The following ADAM17 variants were observed in gnomAD, a reference collection of about 807,000 sequenced individuals.
ADAM17 encodes the protein disintegrin and metalloproteinase domain-containing protein 17.
In ADAM17, 39 loss-of-function variants were observed where a neutral mutation model predicts 96.7. The ratio of observed to expected loss-of-function variants is 0.40; its 90% confidence interval spans 0.31 to 0.53. The LOEUF is 0.53. Among genes scored for constraint, ADAM17 ranks in the 20% least tolerant of loss-of-function variants. The pLI is 0.44. For missense variants in ADAM17, 777 were observed against 1,013.2 expected (o/e 0.77, Z 3.17); for synonymous variants, 344 against 359.2 (o/e 0.96, Z 0.48).
chr2:9,516,994 A>G (rs1042169098), intron 10 of ADAM17, among the ~76,000 whole-genome samples: 2 of 152,220 alleles, frequency 1.3e-5, no homozygotes, highest in Admixed American at 6.5e-5. Flanking sequence ...GAAGCTTTTT[A>G]GAAGGGCCAG....
At chr2:9,520,099 A>T (rs1375496716) in intron 8 of ADAM17, among the ~76,000 whole-genome samples, 1 of 152,244 alleles carries the variant, frequency 6.6e-6, no homozygotes, top group Non-Finnish European at 1.5e-5. Flanking sequence ...ACTTGATTTC[A>T]GCCTCATGAG....
chr2:9,519,639 G>A (rs1664229160), intron 8 of ADAM17, among the ~76,000 whole-genome samples: 1 of 152,124 alleles, frequency 6.6e-6, no homozygotes, highest in African/African-American at 2.4e-5. Flanking sequence ...CCCTTAAGGA[G>A]GTAATTAAGG....
rs766463243 is a variant in ADAM17 at position 9,536,819 on chromosome 2, T to C, written c.240A>G (p.Lys80=). The C allele has an allele frequency of 1.2e-6, 2 of 1,613,746 alleles. No individual in the cohort carries two copies. Among genetic ancestry groups the C allele is most frequent in the South Asian group, 2.2e-5 (2 of 90,984 alleles). ...GTTCAGTACTTGATGTCAGGTATAA[T>C]TTAAAATGCCTGAAGAAAAATGCAT... is the stretch of plus-strand genomic sequence containing the variant. ...LTFSALKRHF[K]LYLTSSTERF... Residue 80 remains lysine (K), a synonymous_variant, in exon 3 of 19, where the codon AAA becomes AAG. Coordinates refer to ENST00000310823, the MANE Select transcript of ADAM17 (RefSeq NM_003183.6).
At chr2:9,522,303 T>C in intron 7 of ADAM17, 1 of 488,706 alleles carries the variant, frequency 2.0e-6, no homozygotes, top group Middle Eastern at 2.9e-4. Context: ...GCATACGACA[T>C]CTCTAGAAAG....
chr2:9,527,975 G>A lies in ADAM17; in HGVS notation c.451-21C>T, dbSNP rs201725529. ...AGTGGCTAAAACAGAAAATATATAC[G>A]ACTGAGATGGAAAACAATAATAATT... On this transcript the variant is annotated intron_variant, in intron 4 of 18. Coordinates refer to ENST00000310823, the MANE Select transcript of ADAM17 (RefSeq NM_003183.6). 24 of 1,406,162 alleles carry A rather than the reference G, an allele frequency of 1.7e-5. No individual in the cohort carries two copies. In the East Asian group the frequency reaches 3.6e-4, roughly 21 times the overall value. 87.1% of individuals were successfully genotyped at this position (1,406,162 alleles called of 1,614,324 possible).
chr2:9,541,866 C>A (rs1665218811), intron 2 of ADAM17, among the ~76,000 whole-genome samples: 1 of 152,016 alleles, frequency 6.6e-6, no homozygotes, highest in Non-Finnish European at 1.5e-5. Context: ...TGGTGAAACT[C>A]TGTCTCTACT....
In ADAM17 at chr2:9,505,227, A is replaced by G. The variant is rs1340914501; in HGVS notation, c.1483T>C (p.Tyr495His). The stretch of plus-strand genomic sequence containing the variant: ...TTGCAGCAGGTGTCGTTGTTCAGAT[A>G]CATGATGCCAGGATCACACTCTTCT... ...EGEECDPGIM[Y>H]LNNDTCCNSD... Residue 495 changes from tyrosine to histidine, a missense_variant, in exon 12 of 19, where the codon TAT becomes CAT. By Grantham distance (83) the Tyr-to-His change is moderately conservative. Coordinates refer to ENST00000310823, the MANE Select transcript of ADAM17 (RefSeq NM_003183.6). 5.0e-6 allele frequency: 8 copies of G among 1,614,202 alleles called. No homozygotes were observed. The highest frequency in any genetic ancestry group is 6.8e-6 in the Non-Finnish European group (8 of 1,180,038).
rs1425376358 is a variant in ADAM17, at chr2:9,492,955, A to G, written c.2025T>C (p.Ser675=). 1 of 1,612,744 alleles carries G rather than the reference A, an allele frequency of 6.2e-7. No individual in the cohort carries two copies. The highest frequency in any genetic ancestry group is 8.5e-7 in the Non-Finnish European group (1 of 1,179,156). Reference sequence around the variant, plus strand: ...AAAATATCAAGGAGAAAACCAGGACAGACCCAACGATGTTGTCTGCTAAAA... The same window carrying G: ...AAAATATCAAGGAGAAAACCAGGACGGACCCAACGATGTTGTCTGCTAAAA... ...GKFLADNIVG[S]VLVFSLIFWI... The change falls in exon 17 of 19, where the codon TCT becomes TCC. Residue 675 remains serine, a synonymous_variant. Coordinates refer to ENST00000310823, the MANE Select transcript of ADAM17 (RefSeq NM_003183.6).
chr2:9,500,549 T>A (rs1662936538), intron 13 of ADAM17, among the ~76,000 whole-genome samples: 1 of 152,186 alleles, frequency 6.6e-6, no homozygotes, highest in South Asian at 2.1e-4. Context: ...GCAAACTACA[T>A]GAGTGTGAAT....
intron 10 of ADAM17, among the ~76,000 whole-genome samples, chr2:9,516,731 C>T (rs1664078169): frequency 1.3e-5 from 2 of 151,860 alleles, no homozygotes; most frequent in South Asian, 4.2e-4. Flanking sequence ...CCAGACTGGG[C>T]CACAGAGCAA....
intron 11 of ADAM17, among the ~76,000 whole-genome samples, chr2:9,507,282 G>A (rs926064614): frequency 2.0e-5 from 3 of 152,168 alleles, no homozygotes; most frequent in Non-Finnish European, 4.4e-5. Context: ...CTGAGGTCAG[G>A]AGTTTGTTGA....
rs375797739 is a variant in ADAM17 at position 9,497,048 on chromosome 2, G to A, written c.1783+66C>T. The A allele has an allele frequency of 1.6e-4, 257 of 1,577,664 alleles. No individual in the cohort carries two copies. The African/African-American group carries it at 3.1e-3, about 19-fold the overall frequency. ...TCATTCGCACAACCTCCAAATGGAG[G>A]AAGGGAGCCTGGCAGACAAAGGCCA... is the stretch of plus-strand genomic sequence containing the variant. On this transcript the variant is annotated intron_variant, in intron 14 of 18. Coordinates refer to ENST00000310823, the MANE Select transcript of ADAM17 (RefSeq NM_003183.6).
intron 4 of ADAM17, among the ~76,000 whole-genome samples, chr2:9,530,877 T>G (rs1176390037): frequency 6.6e-6 from 1 of 152,230 alleles, no homozygotes; most frequent in East Asian, 1.9e-4. Flanking sequence ...AGAAATTGTT[T>G]AAGGGCTACA....
intron 4 of ADAM17, 66 bp downstream of exon 4, chr2:9,535,768 G>T: frequency 9.4e-7 from 1 of 1,062,552 alleles, no homozygotes; most frequent in Non-Finnish European, 1.4e-6. Context: ...CACCTTTGCA[G>T]AACTGAGCAG....
chr2:9,529,991 C>T (rs1179261802), intron 4 of ADAM17, among the ~76,000 whole-genome samples: 1 of 151,910 alleles, frequency 6.6e-6, no homozygotes, highest in Non-Finnish European at 1.5e-5. Flanking sequence ...CACACACACA[C>T]AAAACTACAA....
intron 1 of ADAM17, among the ~76,000 whole-genome samples, chr2:9,548,378 G>C (rs983855847): frequency 8.6e-5 from 13 of 151,964 alleles, no homozygotes; most frequent in African/African-American, 3.1e-4. Context: ...GTGGAGAATG[G>C]GCTAGAGGGG....
chr2:9,549,620 T>C (rs1407524143), intron 1 of ADAM17, among the ~76,000 whole-genome samples: 3 of 152,096 alleles, frequency 2.0e-5, no homozygotes, highest in Non-Finnish European at 4.4e-5. Flanking sequence ...CTCAACCTCC[T>C]GGGCATGAGC....
intron 8 of ADAM17, among the ~76,000 whole-genome samples, chr2:9,519,403 G>C (rs1664210935): frequency 6.6e-6 from 1 of 152,128 alleles, no homozygotes; most frequent in Admixed American, 6.5e-5. Flanking sequence ...CCCTGCCATG[G>C]GCTGTCTGGA....
At chr2:9,538,009 G>T in intron 2 of ADAM17, among the ~76,000 whole-genome samples, 1 of 108,606 alleles carries the variant, frequency 9.2e-6, no homozygotes, top group Non-Finnish European at 1.9e-5. Context: ...GGGGAAGGGA[G>T]GGGAGGAGAG....
Sources: allele counts gnomAD v4.1 joint callset (sites outside exome capture counted in the v4.1 genomes callset), GRCh38; gene constraint gnomAD v4.1.1; transcripts MANE v1.5; gene names NCBI Gene and HGNC (gene_info 2026-07-23, HGNC 2026-07-21).